TRAPPC9: variants seen among roughly 807,000 people sequenced by gnomAD.
TRAPPC9 encodes IKK2 binding protein.
TRAPPC9 carries 83 observed loss-of-function variants against 124.0 expected under a neutral mutation model. The ratio of observed to expected loss-of-function variants is 0.67; its 90% CI spans 0.56 to 0.80. The LOEUF (loss-of-function observed/expected upper bound fraction) is 0.80, where lower values mean the gene tolerates loss of function less well. Among genes scored for constraint, TRAPPC9 ranks in the 30% least tolerant of loss-of-function variants. The pLI is 0.00. For missense variants in TRAPPC9, 1,302 were observed against 1,508.3 expected (o/e 0.86, Z 2.27); for synonymous variants, 638 against 617.5 (o/e 1.03, Z -0.49).
intron 9 of TRAPPC9, among the ~76,000 whole-genome samples, chr8:140,315,236 T>C (rs1442267362): frequency 6.8e-6 from 1 of 147,638 alleles, no homozygotes; most frequent in Non-Finnish European, 1.5e-5. Flanking sequence ...TGTATGTCTT[T>C]TTTTTTTTTT....
intron 19 of TRAPPC9, among the ~76,000 whole-genome samples, chr8:139,941,130 C>T (rs1169364883): frequency 2.0e-5 from 3 of 152,194 alleles, no homozygotes; most frequent in Admixed American, 1.3e-4. Flanking sequence ...CACTGAAGAA[C>T]AGGGCAGCAG....
At chr8:140,287,855 G>T in intron 12 of TRAPPC9, 121 bp from the exon 13 acceptor site, 1 of 1,400,132 alleles carries the variant, frequency 7.1e-7, no homozygotes, top group Non-Finnish European at 1.0e-6. Context: ...ATCACCAACA[G>T]TCTTCACAGA....
chr8:140,256,160 C>T (rs114180606), intron 15 of TRAPPC9, among the ~76,000 whole-genome samples: 1 of 152,314 alleles, frequency 6.6e-6, no homozygotes, highest in African/African-American at 2.4e-5. Context: ...CTACTGAATT[C>T]TCTGTCTGGA....
In TRAPPC9 at chr8:140,397,647, C is replaced by T. The variant is rs2132385893; in HGVS notation, c.1107G>A (p.Gln369=). Residue 369 remains glutamine (Q), a synonymous_variant, in exon 7 of 23, where the codon CAG becomes CAA. Transcript: ENST00000438773. ...KRSMEASEFL[Q]NAVYINLRQL... ...GTCGAAGGTTAATGTAAACTGCATT[C>T]TGAAGAAATTCTGATGCTTCCATGC... 6.2e-7 allele frequency: 1 copy of T among 1,614,166 alleles called. No homozygotes were observed. The highest frequency in any genetic ancestry group is 2.2e-5 in the East Asian group (1 of 44,882).
chr8:139,970,649 C>A (rs1296927192), intron 19 of TRAPPC9, among the ~76,000 whole-genome samples: 5 of 152,174 alleles, frequency 3.3e-5, no homozygotes, highest in African/African-American at 1.2e-4. Flanking sequence ...AGGTGCCTTA[C>A]AGGGTTATAA....
intron 18 of TRAPPC9, among the ~76,000 whole-genome samples, chr8:139,990,621 T>C (rs146812224): frequency 0.02 from 3,101 of 152,086 alleles, 92 homozygotes; most frequent in African/African-American, 0.07. Flanking sequence ...AGTCTCACTC[T>C]TGTCGTCCAG....
At chr8:140,135,283 T>C (rs1414993929) in intron 17 of TRAPPC9, among the ~76,000 whole-genome samples, 1 of 152,166 alleles carries the variant, frequency 6.6e-6, no homozygotes, top group Non-Finnish European at 1.5e-5. Context: ...CATAGAATCC[T>C]CGTAAGTCAT....
chr8:140,434,002 C>T (rs2070733992), intron 4 of TRAPPC9, among the ~76,000 whole-genome samples: 1 of 152,232 alleles, frequency 6.6e-6, no homozygotes, highest in Admixed American at 6.5e-5. Flanking sequence ...TTTTCATTTG[C>T]ATAGAAGCAT....
chr8:139,957,265 C>T (rs895609092), intron 19 of TRAPPC9, among the ~76,000 whole-genome samples: 1 of 152,208 alleles, frequency 6.6e-6, no homozygotes, highest in Non-Finnish European at 1.5e-5. Flanking sequence ...GCGTACCTGC[C>T]CTGCAGCCTT....
intron 20 of TRAPPC9, among the ~76,000 whole-genome samples, chr8:139,903,960 C>T (rs1209547759): frequency 6.6e-6 from 1 of 152,132 alleles, no homozygotes; most frequent in Non-Finnish European, 1.5e-5. Context: ...CAGTGAACCT[C>T]TCTGCAACCA....
In TRAPPC9 at chr8:139,989,334, G is replaced by A. The variant is rs112201975; in HGVS notation, c.2700-498C>T. 2.1e-3 allele frequency among the ~76,000 whole-genome samples: 319 copies of A among 152,264 alleles called. 2 individuals carry two copies. The highest frequency in any genetic ancestry group is 2.4e-3 in the Non-Finnish European group (162 of 68,030). On this transcript the variant is annotated intron_variant, in intron 18 of 22. Coordinates refer to ENST00000438773, the MANE Select transcript of TRAPPC9 (RefSeq NM_001160372.4). ...GTGTGTGTGTGTGCACATCCAGCAC[G>A]AGCTTCTCCCATGCGGGCACCTCTC...
intron 17 of TRAPPC9, chr8:140,099,048 T>C (rs1021005581): frequency 2.0e-5 from 3 of 151,060 alleles, no homozygotes; most frequent in African/African-American, 7.3e-5. Context: ...TTAGCAGCGC[T>C]AGGCCATTCA....
intron 17 of TRAPPC9, among the ~76,000 whole-genome samples, chr8:140,061,713 CTGAA>C (rs1842631467): frequency 1.3e-5 from 2 of 152,208 alleles, no homozygotes; most frequent in Admixed American, 1.3e-4. Context: ...AAATATAAAA[CTGAA>C]CAGGCCAGAA....
intron 19 of TRAPPC9, among the ~76,000 whole-genome samples, chr8:139,959,351 T>C (rs530627724): frequency 6.6e-6 from 1 of 152,226 alleles, no homozygotes; most frequent in Non-Finnish European, 1.5e-5. Flanking sequence ...AGGTACTCTT[T>C]TGGGAGCCAC....
At chr8:139,780,489 T>C in intron 21 of TRAPPC9, among the ~76,000 whole-genome samples, 1 of 152,144 alleles carries the variant, frequency 6.6e-6, no homozygotes, top group East Asian at 1.9e-4. Flanking sequence ...AAGAAATTAA[T>C]CTAGACATAG....
intron 21 of TRAPPC9, among the ~76,000 whole-genome samples, chr8:139,876,166 C>G (rs1563883930): frequency 6.6e-6 from 1 of 152,228 alleles, no homozygotes; most frequent in Admixed American, 6.5e-5. Flanking sequence ...GGCACGTTCT[C>G]GCTGTAGGGA....
intron 21 of TRAPPC9, among the ~76,000 whole-genome samples, chr8:139,875,411 A>T (rs1829256527): frequency 6.6e-6 from 1 of 152,236 alleles, no homozygotes; most frequent in South Asian, 2.1e-4. Flanking sequence ...GCCTGTGAAC[A>T]GAGGCCTCTC....
At chr8:140,217,490 A>T (rs565203940) in intron 17 of TRAPPC9, among the ~76,000 whole-genome samples, 1 of 152,330 alleles carries the variant, frequency 6.6e-6, no homozygotes, top group African/African-American at 2.4e-5. Context: ...TAACACCAGA[A>T]GGGGACACTA....
In TRAPPC9 at chr8:140,337,488, G is replaced by A. The variant is rs145998424; in HGVS notation, c.1495+22562C>T. Among the ~76,000 whole-genome samples, 7 of 152,340 alleles carry A rather than the reference G, an allele frequency of 4.6e-5. No individual in the cohort carries two copies. The East Asian group carries it at 1.4e-3, about 29-fold the overall frequency. ...TCAAGCTTGAGCAGGCCAGGACTGT[G>A]ACATATGAGCCACAGACAGAGAGGA... On this transcript the variant is annotated intron_variant, in intron 9 of 22. Transcript: ENST00000438773.
Sources: gnomAD v4.1 joint callset for allele counts (sites outside exome capture counted in the v4.1 genomes callset) on GRCh38, gnomAD v4.1.1 for gene constraint, MANE v1.5 for transcripts, NCBI Gene and HGNC (gene_info 2026-07-23, HGNC 2026-07-21) for gene names.